Variants in IGF1R observed in about 807,000 individuals in gnomAD.
IGF1R encodes insulin-like growth factor 1 receptor.
In IGF1R, 44 loss-of-function variants were observed where a neutral mutation model predicts 144.6. The ratio of observed to expected loss-of-function variants is 0.30; its 90% CI spans 0.24 to 0.39. IGF1R has a LOEUF of 0.39. IGF1R is among the 10% of genes least tolerant of loss of function. IGF1R has a pLI of 1.00. For synonymous variants in IGF1R, 795 were observed against 722.8 expected (o/e 1.10, Z -1.60); for missense variants, 1,355 against 1,833.7 (o/e 0.74, Z 4.77).
At chr15:98,676,387 C>T (rs560911477) in intron 1 of IGF1R, among the ~76,000 whole-genome samples, 21 of 152,268 alleles carry the variant, frequency 1.4e-4, no homozygotes, top group African/African-American at 4.3e-4. Flanking sequence ...CCGCCTGCCT[C>T]GACCTCCCAA....
chr15:98,694,749 T>G (rs938135577), intron 1 of IGF1R, among the ~76,000 whole-genome samples: 31 of 152,202 alleles, frequency 2.0e-4, no homozygotes, highest in African/African-American at 7.0e-4. Flanking sequence ...GAAACTTTCT[T>G]AGCATGAAGG....
rs940792916 is a variant in IGF1R at position 98,958,607 on chromosome 15, A to G, written c.*1165A>G. 3.0e-5 allele frequency: 7 copies of G among 232,560 alleles called. No homozygotes were observed. Among genetic ancestry groups the G allele is most frequent in the African/African-American group, 6.6e-5 (3 of 45,290 alleles). 14.4% of individuals were successfully genotyped at this position (232,560 alleles called of 1,614,324 possible). A position where few individuals can be genotyped will look rare whatever the true frequency, so the allele number is the denominator to read the frequency against. On this transcript the variant is annotated 3_prime_UTR_variant, in exon 21 of 21. Coordinates refer to ENST00000650285, the MANE Select transcript of IGF1R (RefSeq NM_000875.5). ...ACTTCTTCATGGGTCTTACAGTTCT[A>G]TGTTAGACCATGAAACATTTGCATA...
Position 98,891,276 on chromosome 15 carries a change from G to C in IGF1R, c.641-49G>C. On this transcript the variant is annotated intron_variant, in intron 2 of 20. Transcript: ENST00000650285. The surrounding 1 kb of genome is among the most constrained non-coding windows in gnomAD (Gnocchi z 4.7). ...GATGCTGGCCAGGCCCAGAGAAGGCGGTGCCTCCCCTGCCCGGTCTCATCT... is the reference window on the plus strand; with the variant it reads ...GATGCTGGCCAGGCCCAGAGAAGGCCGTGCCTCCCCTGCCCGGTCTCATCT... The C allele has an allele frequency of 1.3e-6, 2 of 1,561,364 alleles. No individual in the cohort carries two copies. The highest frequency in any genetic ancestry group is 1.1e-5 in the South Asian group (1 of 89,010).
intron 2 of IGF1R, among the ~76,000 whole-genome samples, chr15:98,829,136 A>G (rs1043650430): frequency 1.3e-5 from 2 of 152,194 alleles, no homozygotes; most frequent in Non-Finnish European, 2.9e-5. Context: ...CGATTCAAAC[A>G]AGGCATTTTA....
intron 15 of IGF1R, 93 bp from the exon 16 acceptor site, chr15:98,934,731 G>A: frequency 1.9e-6 from 2 of 1,031,940 alleles, no homozygotes; most frequent in Non-Finnish European, 3.0e-6. Flanking sequence ...TAAGGAAGCA[G>A]CATCTTATAT....
rs140268957 is a variant in IGF1R at position 98,696,198 on chromosome 15, A to G, written c.95-11364A>G. Among the ~76,000 whole-genome samples the G allele has an allele frequency of 7.2e-5, 11 of 152,102 alleles. 1 individual carries two copies. In the East Asian group the frequency reaches 2.1e-3, roughly 29 times the overall value. ...TCTCTATTGCAATTCCAATCTGTTG[A>G]TCTTTTTAGCTCTTGACTCTGTCAT... On this transcript the variant is annotated intron_variant, in intron 1 of 20. Transcript: ENST00000650285.
At chr15:98,736,985 A>G (rs1052993407) in intron 2 of IGF1R, among the ~76,000 whole-genome samples, 2 of 152,126 alleles carry the variant, frequency 1.3e-5, no homozygotes, top group African/African-American at 4.8e-5. Flanking sequence ...TTTTAGAAGC[A>G]TCTGTGAATT....
chr15:98,827,598 A>G (rs1440477892), intron 2 of IGF1R, among the ~76,000 whole-genome samples: 2 of 152,212 alleles, frequency 1.3e-5, no homozygotes, highest in Non-Finnish European at 2.9e-5. Context: ...TAGCTGATTA[A>G]ATGTGGTCAT....
intron 2 of IGF1R, among the ~76,000 whole-genome samples, chr15:98,784,664 A>G (rs2055946154): frequency 6.6e-6 from 1 of 152,138 alleles, no homozygotes; most frequent in African/African-American, 2.4e-5. Context: ...TCAGTTCTAC[A>G]TCTGCGGATT....
chr15:98,932,899 C>T (rs2015999800), intron 15 of IGF1R, among the ~76,000 whole-genome samples: 1 of 152,220 alleles, frequency 6.6e-6, no homozygotes, highest in South Asian at 2.1e-4. Context: ...TGATGGTGCC[C>T]CTCCTGGGCC....
chr15:98,754,712 A>G (rs963778546), intron 2 of IGF1R, among the ~76,000 whole-genome samples: 1 of 152,242 alleles, frequency 6.6e-6, no homozygotes, highest in African/African-American at 2.4e-5. Context: ...GGAATAAAAG[A>G]ACGCTAGTAA....
intron 2 of IGF1R, among the ~76,000 whole-genome samples, chr15:98,833,877 T>C (rs910552032): frequency 3.3e-5 from 5 of 152,188 alleles, no homozygotes; most frequent in Admixed American, 3.3e-4. Context: ...CAAAAAAATA[T>C]TCATGCTTGC....
chr15:98,956,926 A>G, intron 20 of IGF1R, 135 bp from the exon 21 acceptor site: 1 of 975,674 alleles, frequency 1.0e-6, no homozygotes, highest in Non-Finnish European at 1.6e-6. Context: ...CCAGGGATGG[A>G]GAGGGGCAGC....
chr15:98,773,229 CAG>C (rs1390045776), intron 2 of IGF1R, among the ~76,000 whole-genome samples: 1 of 152,132 alleles, frequency 6.6e-6, no homozygotes, highest in African/African-American at 2.4e-5. Flanking sequence ...CAGTCCCATC[CAG>C]AGAGTGTTGG....
intron 2 of IGF1R, among the ~76,000 whole-genome samples, chr15:98,714,814 A>AT (rs748331932): frequency 3.4e-4 from 51 of 150,658 alleles, no homozygotes; most frequent in South Asian, 1.3e-3. Context: ...TCATCTTAAC[A>AT]TTTTTTTTTT....
At chr15:98,956,306 T>A (rs1215052607) in intron 20 of IGF1R, among the ~76,000 whole-genome samples, 1 of 152,250 alleles carries the variant, frequency 6.6e-6, no homozygotes, top group African/African-American at 2.4e-5. Flanking sequence ...TGCCTGTCCC[T>A]TGCGTGTGGA....
At chr15:98,884,239 C>T (rs2013527168) in intron 2 of IGF1R, among the ~76,000 whole-genome samples, 1 of 152,170 alleles carries the variant, frequency 6.6e-6, no homozygotes, top group Admixed American at 6.5e-5. Flanking sequence ...AACCCACAGT[C>T]CCTTCTCCAT....
rs2017171357 is a variant in IGF1R at position 98,960,279 on chromosome 15, C to G, written c.*2837C>G. 4.8e-6 allele frequency: 1 copy of G among 209,998 alleles called. No individual in the cohort carries two copies. Among genetic ancestry groups the G allele is most frequent in the South Asian group, 2.7e-4 (1 of 3,710 alleles). 13.0% of individuals were successfully genotyped at this position (209,998 alleles called of 1,614,324 possible). ...ACAGCTTGCCTTTTTCTGAGATGTCCTGTTTTGTGTTGCTTTTTTTGTTTT... is the reference window on the plus strand; with the variant it reads ...ACAGCTTGCCTTTTTCTGAGATGTCGTGTTTTGTGTTGCTTTTTTTGTTTT... On this transcript the variant is annotated 3_prime_UTR_variant, in exon 21 of 21. Transcript: ENST00000650285.
At chr15:98,732,996 C>A (rs1394430586) in intron 2 of IGF1R, among the ~76,000 whole-genome samples, 1 of 152,254 alleles carries the variant, frequency 6.6e-6, no homozygotes. Flanking sequence ...GCACCCCTCA[C>A]GCGAGCCCAT....
Sources: gnomAD v4.1 joint callset for allele counts (sites outside exome capture counted in the v4.1 genomes callset) on GRCh38, gnomAD v4.1.1 for gene constraint, Gnocchi (gnomAD v3.1) non-coding constraint, MANE v1.5 for transcripts, NCBI Gene and HGNC (gene_info 2026-07-23, HGNC 2026-07-21) for gene names.